PARD6A: variants seen among roughly 807,000 people sequenced by gnomAD.
PARD6A encodes par-6 family cell polarity regulator alpha.
In PARD6A, 20 loss-of-function variants were observed where a neutral mutation model predicts 21.3. The observed-to-expected ratio is 0.94, with a 90% confidence interval of 0.66 to 1.36. The LOEUF is 1.36. Among genes scored for constraint, PARD6A ranks in the 40% most tolerant of loss-of-function variants. The pLI is 0.00. For synonymous variants in PARD6A, 214 were observed against 204.8 expected, an observed-to-expected ratio of 1.04 and a Z score of -0.38; for missense variants, 411 against 482.0, an observed-to-expected ratio of 0.85 and a Z score of 1.38.
rs368080665 is a variant in PARD6A, at chr16:67,662,350, C to T, written c.741C>T (p.Pro247=). 4.4e-5 allele frequency: 71 copies of T among 1,613,992 alleles called. No homozygotes were observed. Among genetic ancestry groups the T allele is most frequent in the Admixed American group, 8.3e-5 (5 of 60,000 alleles). Reference sequence around the variant, plus strand: ...ATAACCTCATTGTCACTGTCAAGCCCGCCAACCAGCGCAATAACGTGGTGC... The same window carrying T: ...ATAACCTCATTGTCACTGTCAAGCCTGCCAACCAGCGCAATAACGTGGTGC... ...NSHNLIVTVK[P]ANQRNNVVRG... Residue 247 remains proline (P), a synonymous_variant, in exon 3 of 3, where the codon CCC becomes CCT. Coordinates refer to ENST00000458121, the MANE Select transcript of PARD6A (RefSeq NM_001037281.2). This position sits in a 1 kb window ranked among gnomAD's most constrained non-coding sequence, Gnocchi z 6.9.
At position 67,661,896 on chromosome 16, in the gene PARD6A, A is replaced by C; in HGVS notation, c.287A>C (p.Glu96Ala). ...CAACATCCCCCCTCTTCTGCAGCAG[A>C]AGCTGACTCCAGCGGCCTGGCTTTT... ...PPLRLLVQKR[E>A]ADSSGLAFAS... The change falls in exon 3 of 3, where the codon GAA becomes GCA. Residue 96 changes from glutamate to alanine, a missense_variant and splice_region_variant. Glu to Ala is a moderately radical substitution (Grantham distance 107). Transcript: ENST00000458121. The surrounding 1 kb of genome is among the most constrained non-coding windows in gnomAD (Gnocchi z 7.0). 2 of 1,584,804 alleles carry C rather than the reference A, an allele frequency of 1.3e-6. No homozygotes were observed. Among genetic ancestry groups the C allele is most frequent in the African/African-American group, 1.3e-5 (1 of 74,400 alleles).
At position 67,661,989 on chromosome 16, in the gene PARD6A, G is replaced by A. The variant is rs749490861; in HGVS notation, c.380G>A (p.Arg127Gln). 4.1e-5 allele frequency: 66 copies of A among 1,613,180 alleles called. No homozygotes were observed. Among genetic ancestry groups the A allele is most frequent in the Non-Finnish European group, 5.3e-5 (63 of 1,180,016 alleles). The change falls in exon 3 of 3, where the codon CGG (arginine) becomes CAG (glutamine). Residue 127 changes from arginine (R) to glutamine (Q), a missense_variant. By Grantham distance (43) the Arg-to-Gln change is conservative. Transcript: ENST00000458121. This position sits in a 1 kb window ranked among gnomAD's most constrained non-coding sequence, Gnocchi z 7.0. ...CGGCCAGTGGCACCCCTGCGCACCCGGCCACCCTTGCTAATCAGCCTGCCC... is the reference window on the plus strand; with the variant it reads ...CGGCCAGTGGCACCCCTGCGCACCCAGCCACCCTTGCTAATCAGCCTGCCC... Reference protein sequence around the residue: ...LLRPVAPLRTRPPLLISLPQD... With the variant: ...LLRPVAPLRTQPPLLISLPQD...
In PARD6A at chr16:67,662,654, G is replaced by C; in HGVS notation, c.*7G>C. ...TAGTGGCTTCAGCCTCTGACAGTCA[G>C]GATGAAGCCCCATGCCACTCCACAC... On this transcript the variant is annotated 3_prime_UTR_variant, in exon 3 of 3. Transcript: ENST00000458121. This position sits in a 1 kb window ranked among gnomAD's most constrained non-coding sequence, Gnocchi z 6.9. 2 of 1,541,268 alleles carry C rather than the reference G, an allele frequency of 1.3e-6. No homozygotes were observed. The highest frequency in any genetic ancestry group is 1.7e-6 in the Non-Finnish European group (2 of 1,143,982).
At position 67,661,365 on chromosome 16, in the gene PARD6A, C is replaced by T; in HGVS notation, c.64-90C>T. On this transcript the variant is annotated intron_variant, in intron 1 of 2. Coordinates refer to ENST00000458121, the MANE Select transcript of PARD6A (RefSeq NM_001037281.2). This position sits in a 1 kb window ranked among gnomAD's most constrained non-coding sequence, Gnocchi z 7.0. ...GGGCTTAAGGCTGCCGCAAAAGCGGCAGCCGCATCTTTCCCATTCCTGCCA... is the reference window on the plus strand; with the variant it reads ...GGGCTTAAGGCTGCCGCAAAAGCGGTAGCCGCATCTTTCCCATTCCTGCCA... The T allele has an allele frequency of 6.6e-7, 1 of 1,508,554 alleles. No individual in the cohort carries two copies. Among genetic ancestry groups the T allele is most frequent in the Non-Finnish European group, 8.8e-7 (1 of 1,136,064 alleles). The allele number at this position is 1,508,554 out of a possible 1,614,324, so 93.4% of individuals were successfully genotyped here. A position where few individuals can be genotyped will look rare whatever the true frequency, so the allele number is the denominator to read the frequency against.
Position 67,662,148 on chromosome 16 carries a change from TG to T in PARD6A, c.541del (p.Ala181LeufsTer42). On this transcript the variant is annotated frameshift_variant, in exon 3 of 3. Coordinates refer to ENST00000458121, the MANE Select transcript of PARD6A (RefSeq NM_001037281.2). LOFTEE classifies it high-confidence loss of function. This position sits in a 1 kb window ranked among gnomAD's most constrained non-coding sequence, Gnocchi z 6.9. ...ATCCGAGATGGCATGAGCGTGCGTG[TG>T]GCTCCCCAGGGCCTGGAGCGGGTTC... ...FYIRDGMSVR[V>X]APQGLERVPG... is the part of the protein sequence containing the mutation. The T allele has an allele frequency of 6.2e-7, 1 of 1,613,588 alleles. No homozygotes were observed.
At position 67,661,622 on chromosome 16, in the gene PARD6A, G is replaced by T; in HGVS notation, c.231G>T (p.Leu77=). Residue 77 remains leucine (L), a synonymous_variant, in exon 2 of 3, where the codon CTG becomes CTT. Coordinates refer to ENST00000458121, the MANE Select transcript of PARD6A (RefSeq NM_001037281.2). The surrounding 1 kb of genome is among the most constrained non-coding windows in gnomAD (Gnocchi z 7.0). The part of the protein sequence containing the change: ...DLLPLTNDDS[L]HRALASGPPP... ...TGCCCCTCACCAACGACGACAGCCT[G>T]CACCGGGCCCTGGCCAGCGGGCCCC... The T allele has an allele frequency of 6.2e-7, 1 of 1,607,660 alleles. No homozygotes were observed.
Position 67,662,263 on chromosome 16 carries a change from T to C in PARD6A, c.654T>C (p.Asn218=), listed in dbSNP as rs2053034070. 6.2e-7 allele frequency: 1 copy of C among 1,614,082 alleles called. No individual in the cohort carries two copies. Among genetic ancestry groups the C allele is most frequent in the African/African-American group, 1.3e-5 (1 of 75,020 alleles). The change falls in exon 3 of 3, where the codon AAT becomes AAC. Residue 218 remains asparagine, a synonymous_variant. Transcript: ENST00000458121. This position sits in a 1 kb window ranked among gnomAD's most constrained non-coding sequence, Gnocchi z 6.9. The part of the protein sequence containing the change: ...LAVSDEILEV[N]GIEVAGKTLD... ...TCAGTGATGAGATCCTCGAGGTCAA[T>C]GGCATTGAAGTAGCCGGGAAGACCT...
Position 67,661,198 on chromosome 16 carries a change from C to T in PARD6A, c.63+97C>T, listed in dbSNP as rs1597776684. On this transcript the variant is annotated intron_variant, in intron 1 of 2. Coordinates refer to ENST00000458121, the MANE Select transcript of PARD6A (RefSeq NM_001037281.2). This position sits in a 1 kb window ranked among gnomAD's most constrained non-coding sequence, Gnocchi z 7.0. ...CCCGCCACCTCTTCCCTCTATCCTC[C>T]AAGTCCCATTCTGCTTTTCTGCTCG... 2 of 1,167,404 alleles carry T rather than the reference C, an allele frequency of 1.7e-6. No individual in the cohort carries two copies. Among genetic ancestry groups the T allele is most frequent in the African/African-American group, 1.5e-5 (1 of 66,654 alleles). 72.3% of individuals were successfully genotyped at this position (1,167,404 alleles called of 1,614,324 possible). A position where few individuals can be genotyped will look rare whatever the true frequency, so the allele number is the denominator to read the frequency against.
At position 67,661,390 on chromosome 16, in the gene PARD6A, AG is replaced by A; in HGVS notation, c.64-64del. ...CAGCCGCATCTTTCCCATTCCTGCC[AG>A]CCTGCGGTGAGAAAGGGGCGCAGGC... is the stretch of plus-strand genomic sequence containing the variant. On this transcript the variant is annotated intron_variant, in intron 1 of 2. Transcript: ENST00000458121. This position sits in a 1 kb window ranked among gnomAD's most constrained non-coding sequence, Gnocchi z 7.0. The A allele has an allele frequency of 6.3e-7, 1 of 1,577,344 alleles. No individual in the cohort carries two copies. Among genetic ancestry groups the A allele is most frequent in the Non-Finnish European group, 8.6e-7 (1 of 1,168,090 alleles).
At position 67,661,916 on chromosome 16, in the gene PARD6A, G is replaced by T; in HGVS notation, c.307G>T (p.Ala103Ser). ...AGCAGAAGCTGACTCCAGCGGCCTG[G>T]CTTTTGCCTCCAACTCTCTGCAGCG... Reference protein sequence around the residue: ...QKREADSSGLAFASNSLQRRK... With the variant: ...QKREADSSGLSFASNSLQRRK... Residue 103 changes from alanine to serine, a missense_variant, in exon 3 of 3, where the codon GCT (alanine) becomes TCT (serine). Coordinates refer to ENST00000458121, the MANE Select transcript of PARD6A (RefSeq NM_001037281.2). The surrounding 1 kb of genome is among the most constrained non-coding windows in gnomAD (Gnocchi z 7.0). 6.2e-7 allele frequency: 1 copy of T among 1,602,126 alleles called. No homozygotes were observed. Among genetic ancestry groups the T allele is most frequent in the East Asian group, 2.2e-5 (1 of 44,830 alleles).
rs761598301 is a variant in PARD6A at position 67,662,140 on chromosome 16, C to T, written c.531C>T (p.Ser177=). Residue 177 remains serine (S), a synonymous_variant, in exon 3 of 3, where the codon AGC becomes AGT. Transcript: ENST00000458121. This position sits in a 1 kb window ranked among gnomAD's most constrained non-coding sequence, Gnocchi z 6.9. Reference sequence around the variant, plus strand: ...GCTTCTACATCCGAGATGGCATGAGCGTGCGTGTGGCTCCCCAGGGCCTGG... The same window carrying T: ...GCTTCTACATCCGAGATGGCATGAGTGTGCGTGTGGCTCCCCAGGGCCTGG... ...PLGFYIRDGM[S]VRVAPQGLER... is the part of the protein sequence containing the mutation. 40 of 1,613,742 alleles carry T rather than the reference C, an allele frequency of 2.5e-5. No individual in the cohort carries two copies. The highest frequency in any genetic ancestry group is 1.6e-4 in the Middle Eastern group (1 of 6,082).
At position 67,661,052 on chromosome 16, in the gene PARD6A, A is replaced by G; in HGVS notation, c.14A>G (p.Gln5Arg). 3 of 1,584,504 alleles carry G rather than the reference A, an allele frequency of 1.9e-6. No individual in the cohort carries two copies. The highest frequency in any genetic ancestry group is 1.7e-5 in the Admixed American group (1 of 58,904). ...CCCGGCCCCGCCATGGCCCGGCCGC[A>G]GAGGACTCCGGCGCGCAGTCCCGAT... is the stretch of plus-strand genomic sequence containing the variant. MARP[Q>R]RTPARSPDSI... The change falls in exon 1 of 3, where the codon CAG (glutamine) becomes CGG (arginine). Residue 5 changes from glutamine (Q) to arginine (R), a missense_variant. Coordinates refer to ENST00000458121, the MANE Select transcript of PARD6A (RefSeq NM_001037281.2). The surrounding 1 kb of genome is among the most constrained non-coding windows in gnomAD (Gnocchi z 7.0).
rs1046902780 is a variant in PARD6A at position 67,661,115 on chromosome 16, C to T, written c.63+14C>T. ...GTGAAGAGCAAAGTAAGGGCTCCTC[C>T]GGCCTCGGCCCTAGGCGCTCCCAAT... On this transcript the variant is annotated intron_variant, in intron 1 of 2. Transcript: ENST00000458121. This position sits in a 1 kb window ranked among gnomAD's most constrained non-coding sequence, Gnocchi z 7.0. The T allele has an allele frequency of 1.2e-6, 2 of 1,603,738 alleles. No individual in the cohort carries two copies. Among genetic ancestry groups the T allele is most frequent in the Non-Finnish European group, 1.7e-6 (2 of 1,171,936 alleles).
At position 67,662,038 on chromosome 16, in the gene PARD6A, A is replaced by C; in HGVS notation, c.429A>C (p.Ser143=). 6.2e-7 allele frequency: 1 copy of C among 1,613,898 alleles called. No individual in the cohort carries two copies. The highest frequency in any genetic ancestry group is 8.5e-7 in the Non-Finnish European group (1 of 1,180,010). Residue 143 remains serine, a synonymous_variant, in exon 3 of 3, where the codon TCA becomes TCC. Coordinates refer to ENST00000458121, the MANE Select transcript of PARD6A (RefSeq NM_001037281.2). This position sits in a 1 kb window ranked among gnomAD's most constrained non-coding sequence, Gnocchi z 6.9. ...SLPQDFRQVS[S]VIDVDLLPET... is the part of the protein sequence containing the mutation. ...CCCAAGATTTCCGCCAGGTTTCCTC[A>C]GTCATAGACGTGGACCTACTGCCTG...
chr16:67,661,875 A>T lies in PARD6A; in HGVS notation c.287-21A>T, dbSNP rs2053024739. ...CGGGGAGCAGGTCTCTGATCTCAAC[A>T]TCCCCCCTCTTCTGCAGCAGAAGCT... On this transcript the variant is annotated intron_variant, in intron 2 of 2. Coordinates refer to ENST00000458121, the MANE Select transcript of PARD6A (RefSeq NM_001037281.2). The surrounding 1 kb of genome is among the most constrained non-coding windows in gnomAD (Gnocchi z 7.0). 6.4e-7 allele frequency: 1 copy of T among 1,560,710 alleles called. No homozygotes were observed. The highest frequency in any genetic ancestry group is 1.4e-5 in the African/African-American group (1 of 73,642).
Position 67,662,030 on chromosome 16 carries a change from G to C in PARD6A, c.421G>C (p.Val141Leu). ...CAGCCTGCCCCAAGATTTCCGCCAG[G>C]TTTCCTCAGTCATAGACGTGGACCT... The part of the protein sequence containing the change: ...LISLPQDFRQ[V>L]SSVIDVDLLP... Residue 141 changes from valine to leucine, a missense_variant, in exon 3 of 3, where the codon GTT becomes CTT. Coordinates refer to ENST00000458121, the MANE Select transcript of PARD6A (RefSeq NM_001037281.2). The surrounding 1 kb of genome is among the most constrained non-coding windows in gnomAD (Gnocchi z 6.9). 1 of 1,613,896 alleles carries C rather than the reference G, an allele frequency of 6.2e-7. No individual in the cohort carries two copies. Among genetic ancestry groups the C allele is most frequent in the Non-Finnish European group, 8.5e-7 (1 of 1,180,032 alleles).
Position 67,662,286 on chromosome 16 carries a change from C to T in PARD6A, c.677C>T (p.Thr226Ile). 6.2e-7 allele frequency: 1 copy of T among 1,614,118 alleles called. No homozygotes were observed. Among genetic ancestry groups the T allele is most frequent in the African/African-American group, 1.3e-5 (1 of 75,046 alleles). ...EVNGIEVAGK[T>I]LDQVTDMMVA... ...AATGGCATTGAAGTAGCCGGGAAGACCTTGGACCAAGTGACGGACATGATG... is the reference window on the plus strand; with the variant it reads ...AATGGCATTGAAGTAGCCGGGAAGATCTTGGACCAAGTGACGGACATGATG... The change falls in exon 3 of 3, where the codon ACC becomes ATC. Residue 226 changes from threonine to isoleucine, a missense_variant. Thr to Ile is a moderately conservative substitution (Grantham distance 89, BLOSUM62 -1). Transcript: ENST00000458121. This position sits in a 1 kb window ranked among gnomAD's most constrained non-coding sequence, Gnocchi z 6.9.
In PARD6A at chr16:67,662,673, TC is replaced by T; in HGVS notation, c.*28del. 1 of 1,513,708 alleles carries T rather than the reference TC, an allele frequency of 6.6e-7. No individual in the cohort carries two copies. Among genetic ancestry groups the T allele is most frequent in the South Asian group, 1.3e-5 (1 of 77,118 alleles). 93.8% of individuals were successfully genotyped at this position (1,513,708 alleles called of 1,614,324 possible). A position where few individuals can be genotyped will look rare whatever the true frequency, so the allele number is the denominator to read the frequency against. On this transcript the variant is annotated 3_prime_UTR_variant, in exon 3 of 3. Coordinates refer to ENST00000458121, the MANE Select transcript of PARD6A (RefSeq NM_001037281.2). The surrounding 1 kb of genome is among the most constrained non-coding windows in gnomAD (Gnocchi z 6.9). ...CAGTCAGGATGAAGCCCCATGCCAC[TC>T]CACACTGCTGGGACATGGCAGGGAC...
chr16:67,661,324 A>G lies in PARD6A; in HGVS notation c.64-131A>G. On this transcript the variant is annotated intron_variant, in intron 1 of 2. Transcript: ENST00000458121. This position sits in a 1 kb window ranked among gnomAD's most constrained non-coding sequence, Gnocchi z 7.0. ...GAAGACCTTGGACAGCGTCCCTGGT[A>G]CTGGAGCTGAGGTCTGGGCTTAAGG... 1 of 1,260,746 alleles carries G rather than the reference A, an allele frequency of 7.9e-7. No individual in the cohort carries two copies. The highest frequency in any genetic ancestry group is 2.5e-5 in the East Asian group (1 of 40,742). 78.1% of individuals were successfully genotyped at this position (1,260,746 alleles called of 1,614,324 possible).
Sources: gnomAD v4.1 joint callset for allele counts on GRCh38, gnomAD v4.1.1 for gene constraint, Gnocchi (gnomAD v3.1) non-coding constraint, MANE v1.5 for transcripts, NCBI Gene and HGNC (gene_info 2026-07-23, HGNC 2026-07-21) for gene names.